AFG2B: variants seen among roughly 807,000 people sequenced by gnomAD.
AFG2B encodes the protein ATPase family gene 2 protein homolog B.
chr15:45,420,811 G>T, the AFG2B span, among the ~76,000 whole-genome samples: 2 of 152,214 alleles, frequency 1.3e-5, no homozygotes, highest in East Asian at 3.9e-4. Flanking sequence ...GGCCAACATG[G>T]TGAAACCCTG....
chr15:45,402,406 G>T, the AFG2B span: 1 of 1,572,940 alleles, frequency 6.4e-7, no homozygotes, highest in Non-Finnish European at 8.6e-7. Context: ...ATCTGGTTTC[G>T]TCTGCCTGGT....
the AFG2B span, chr15:45,417,548 G>A: frequency 1.4e-6 from 1 of 693,034 alleles, no homozygotes; most frequent in Non-Finnish European, 2.3e-6. Context: ...ATCTTCCTTT[G>A]TTGGATACTC....
chr15:45,410,398 AAT>A, the AFG2B span: 1 of 1,613,744 alleles, frequency 6.2e-7, no homozygotes, highest in South Asian at 1.1e-5. Context: ...TGATTGATGA[AAT>A]AGACTTCCTT....
At chr15:45,403,461 T>C in the AFG2B span, 61 of 1,608,846 alleles carry the variant, frequency 3.8e-5, no homozygotes, top group Admixed American at 1.8e-4. Flanking sequence ...TGGGAGCCAC[T>C]AACCGGCCGG....
chr15:45,420,899 G>A, the AFG2B span: 2 of 721,526 alleles, frequency 2.8e-6, no homozygotes, highest in Non-Finnish European at 4.2e-6. Flanking sequence ...GGCTGAGGCA[G>A]GAGAATTGCT....
chr15:45,417,006 A>G, the AFG2B span: 2 of 293,214 alleles, frequency 6.8e-6, no homozygotes, highest in Non-Finnish European at 1.3e-5. Context: ...CCCCTTTGGG[A>G]TAAGGCTTTT....
At chr15:45,412,595 T>C in the AFG2B span, among the ~76,000 whole-genome samples, 1 of 152,234 alleles carries the variant, frequency 6.6e-6, no homozygotes, top group Non-Finnish European at 1.5e-5. Context: ...ACTGAAATTA[T>C]ATAATTTTCA....
the AFG2B span, chr15:45,414,905 A>C: frequency 1.3e-6 from 1 of 786,526 alleles, no homozygotes; most frequent in Non-Finnish European, 2.0e-6. Context: ...TTTATTGAAA[A>C]ATTTAGAAAA....
At chr15:45,408,486 T>C in the AFG2B span, among the ~76,000 whole-genome samples, 1 of 152,348 alleles carries the variant, frequency 6.6e-6, no homozygotes, top group South Asian at 2.1e-4. Context: ...AACATTTTAA[T>C]GTCTATTTCC....
chr15:45,417,149 ATTCTGG>A, the AFG2B span: 1 of 1,247,306 alleles, frequency 8.0e-7, no homozygotes, highest in Non-Finnish European at 1.1e-6. Context: ...GGATATAAGC[ATTCTGG>A]TCCCAAGAAA....
At chr15:45,405,066 T>G in the AFG2B span, among the ~76,000 whole-genome samples, 277 of 152,192 alleles carry the variant, frequency 1.8e-3, no homozygotes, top group African/African-American at 6.3e-3. Flanking sequence ...CTAGTAGCTA[T>G]TTTGAAATAT....
the AFG2B span, chr15:45,410,312 A>G: frequency 1.3e-6 from 2 of 1,570,116 alleles, no homozygotes; most frequent in Non-Finnish European, 1.7e-6. Context: ...AAATTGTGCT[A>G]TAAAAAAAGA....
chr15:45,418,787 A>G, the AFG2B span: 26 of 1,424,650 alleles, frequency 1.8e-5, no homozygotes, highest in Non-Finnish European at 2.3e-5. Flanking sequence ...GTACCATGTG[A>G]TGTGAAACAG....
At chr15:45,403,741 TGA>T in the AFG2B span, among the ~76,000 whole-genome samples, 1 of 152,194 alleles carries the variant, frequency 6.6e-6, no homozygotes, top group Non-Finnish European at 1.5e-5. Context: ...AGTCAGGATC[TGA>T]GAGTCAGGAC....
At chr15:45,408,453 TATATC>T in the AFG2B span, among the ~76,000 whole-genome samples, 2 of 152,220 alleles carry the variant, frequency 1.3e-5, 1 homozygote, top group South Asian at 4.1e-4. Context: ...ATGGGTTGCA[TATATC>T]ATGACACTTT....
chr15:45,421,097 G>C, the AFG2B span: 1 of 1,613,574 alleles, frequency 6.2e-7, no homozygotes, highest in Non-Finnish European at 8.5e-7. Context: ...AGTGAAACAA[G>C]AGCACTTTCT....
the AFG2B span, chr15:45,417,244 C>T: frequency 6.2e-7 from 1 of 1,609,186 alleles, no homozygotes; most frequent in South Asian, 1.1e-5. Flanking sequence ...ATTGACATTA[C>T]TTTGTGTTGT....
At chr15:45,420,947 G>A in the AFG2B span, 304 of 1,270,788 alleles carry the variant, frequency 2.4e-4, 1 homozygote, top group South Asian at 3.7e-3. Flanking sequence ...AGTCCAGATC[G>A]TGCCACTGCA....
At chr15:45,410,499 G>T in the AFG2B span, 1 of 1,610,282 alleles carries the variant, frequency 6.2e-7, no homozygotes, top group South Asian at 1.1e-5. Context: ...GAGATTGGTG[G>T]CCTTGAAGAT....
Sources: gnomAD v4.1 joint callset for allele counts (sites outside exome capture counted in the v4.1 genomes callset) on GRCh38, gnomAD v4.1.1 for gene constraint, MANE v1.5 for transcripts, NCBI Gene and HGNC (gene_info 2026-07-23, HGNC 2026-07-21) for gene names.